DGKB: variants seen among roughly 807,000 people sequenced by gnomAD.
DGKB encodes the protein 90 kDa diacylglycerol kinase.
A neutral mutation model predicts 114.3 loss-of-function variants in DGKB; 67 were observed. The ratio of observed to expected loss-of-function variants is 0.59; its 90% CI spans 0.48 to 0.72. The LOEUF (loss-of-function observed/expected upper bound fraction) is 0.72, where lower values mean the gene tolerates loss of function less well. Among genes scored for constraint, DGKB ranks in the 30% least tolerant of loss-of-function variants. DGKB has a pLI of 0.00. For synonymous variants in DGKB, 398 were observed against 323.1 expected (o/e 1.23, Z -2.49); for missense variants, 907 against 975.2 (o/e 0.93, Z 0.93).
intron 23 of DGKB, among the ~76,000 whole-genome samples, chr7:14,248,249 C>T (rs1429369696): frequency 6.6e-6 from 1 of 151,940 alleles, no homozygotes; most frequent in African/African-American, 2.4e-5. Flanking sequence ...ATTACTATAC[C>T]TTTGTAGTAT....
chr7:14,704,046 C>T (rs1021714526), intron 6 of DGKB, among the ~76,000 whole-genome samples: 2 of 150,114 alleles, frequency 1.3e-5, no homozygotes, highest in Admixed American at 6.6e-5. Flanking sequence ...CCCCTTTCAT[C>T]CTCCCCCATC....
Position 14,908,937 on chromosome 7 carries a change from G to C in DGKB, c.-188+65759C>G, listed in dbSNP as rs115399996. On this transcript the variant is annotated intron_variant, in intron 1 of 4. Coordinates refer to the DGKB transcript ENST00000437998. ...CTTCACTGTTGTAAATCAGCCATCT[G>C]TGTGGTATTTGTCCTTGAAGTTAGT... Among the ~76,000 whole-genome samples, 852 of 152,272 alleles carry C rather than the reference G, an allele frequency of 5.6e-3. 10 individuals are homozygous for C. The highest frequency in any genetic ancestry group is 0.02 in the African/African-American group (820 of 41,556).
At chr7:14,225,213 C>T (rs1175896299) in intron 23 of DGKB, among the ~76,000 whole-genome samples, 1 of 152,072 alleles carries the variant, frequency 6.6e-6, no homozygotes, top group Non-Finnish European at 1.5e-5. Flanking sequence ...CAGTCTGTTT[C>T]TTCCCTTCGC....
chr7:14,569,203 C>A (rs1197702577), intron 20 of DGKB, among the ~76,000 whole-genome samples: 1 of 152,138 alleles, frequency 6.6e-6, no homozygotes, highest in Admixed American at 6.5e-5. Flanking sequence ...GTCCCTGGGG[C>A]AGGAATAAAT....
chr7:14,751,094 T>A (rs1290369787), intron 4 of DGKB, among the ~76,000 whole-genome samples: 4 of 152,006 alleles, frequency 2.6e-5, no homozygotes, highest in Non-Finnish European at 5.9e-5. Context: ...ATTACAGGTG[T>A]GAGCCACCAT....
At chr7:14,654,942 G>A (rs986845435) in intron 13 of DGKB, among the ~76,000 whole-genome samples, 1 of 151,782 alleles carries the variant, frequency 6.6e-6, no homozygotes, top group African/African-American at 2.4e-5. Flanking sequence ...AAAAACAGAG[G>A]GGGATTTCTT....
upstream of DGKB, chr7:14,903,481 C>T (rs1485917990): frequency 6.6e-6 from 1 of 152,186 alleles, no homozygotes; most frequent in Non-Finnish European, 1.5e-5. Context: ...CAATTACTAC[C>T]ACTCACTATA....
At chr7:14,480,145 G>T (rs1278743714) in intron 20 of DGKB, among the ~76,000 whole-genome samples, 1 of 151,926 alleles carries the variant, frequency 6.6e-6, no homozygotes, top group Non-Finnish European at 1.5e-5. Flanking sequence ...AGACAGGAGG[G>T]AGAAGAGAGG....
intron 23 of DGKB, among the ~76,000 whole-genome samples, chr7:14,318,403 T>C (rs1807046323): frequency 6.6e-6 from 1 of 152,084 alleles, no homozygotes; most frequent in Admixed American, 6.6e-5. Flanking sequence ...AAAGGGCTAA[T>C]ATCCAGAATT....
intron 23 of DGKB, among the ~76,000 whole-genome samples, chr7:14,270,616 G>T (rs1421414338): frequency 6.6e-6 from 1 of 152,188 alleles, no homozygotes; most frequent in African/African-American, 2.4e-5. Flanking sequence ...ATAAATAGGT[G>T]CATAAGTTAA....
intron 21 of DGKB, among the ~76,000 whole-genome samples, chr7:14,403,558 C>A (rs1310551946): frequency 6.6e-6 from 1 of 151,800 alleles, no homozygotes; most frequent in Non-Finnish European, 1.5e-5. Context: ...TTTTAGTGAT[C>A]AAATCAATTC....
intron 21 of DGKB, among the ~76,000 whole-genome samples, chr7:14,434,751 G>T (rs1167283093): frequency 6.6e-6 from 1 of 152,092 alleles, no homozygotes; most frequent in East Asian, 1.9e-4. Context: ...ATAACTCATG[G>T]AAAAGTTATC....
At chr7:14,658,947 G>C (rs1276474508) in intron 13 of DGKB, among the ~76,000 whole-genome samples, 1 of 151,814 alleles carries the variant, frequency 6.6e-6, no homozygotes, top group Non-Finnish European at 1.5e-5. Flanking sequence ...TACATGCGCA[G>C]AATGTGCAGG....
intron 5 of DGKB, among the ~76,000 whole-genome samples, chr7:14,719,091 T>G (rs1221235965): frequency 6.6e-6 from 1 of 152,186 alleles, no homozygotes; most frequent in East Asian, 1.9e-4. Context: ...AAAATGTCAG[T>G]CTTTCACAAT....
intron 2 of DGKB, among the ~76,000 whole-genome samples, chr7:14,827,696 T>C (rs1057360024): frequency 3.9e-5 from 6 of 152,102 alleles, no homozygotes; most frequent in East Asian, 3.9e-4. Flanking sequence ...AGACGCCTTA[T>C]GGAGAAGAAA....
intron 1 of DGKB, among the ~76,000 whole-genome samples, chr7:14,891,216 A>T (rs555921405): frequency 1.3e-5 from 2 of 151,546 alleles, no homozygotes; most frequent in South Asian, 4.1e-4. Context: ...ATATACTACA[A>T]TATAGTGCAT....
At chr7:14,476,580 G>A (rs887205237) in intron 21 of DGKB, among the ~76,000 whole-genome samples, 3 of 151,776 alleles carry the variant, frequency 2.0e-5, no homozygotes, top group African/African-American at 4.8e-5. Flanking sequence ...GAAAATATAT[G>A]TACACATATA....
At chr7:14,834,947 G>A (rs1046937303) in intron 2 of DGKB, among the ~76,000 whole-genome samples, 4 of 152,096 alleles carry the variant, frequency 2.6e-5, no homozygotes, top group African/African-American at 4.8e-5. Context: ...CTTAGGTATT[G>A]AAAGATTTAA....
chr7:14,829,722 A>C (rs187365356), intron 2 of DGKB, among the ~76,000 whole-genome samples: 5 of 152,268 alleles, frequency 3.3e-5, no homozygotes, highest in Admixed American at 3.3e-4. Context: ...GAGGAAAATT[A>C]ACACAGAACT....
Sources: allele counts gnomAD v4.1 joint callset (sites outside exome capture counted in the v4.1 genomes callset), GRCh38; gene constraint gnomAD v4.1.1; transcripts MANE v1.5; gene names NCBI Gene and HGNC (gene_info 2026-07-23, HGNC 2026-07-21).